MCOLN2: variants seen among roughly 807,000 people sequenced by gnomAD.
MCOLN2 encodes mucolipin TRP cation channel 2.
MCOLN2 carries 57 observed loss-of-function variants against 67.5 expected under a neutral mutation model. That is an observed-to-expected ratio of 0.84 (90% CI 0.68 to 1.05). The LOEUF is 1.05. Ranked by LOEUF, MCOLN2 falls within the 50% of genes least tolerant of loss-of-function variation. MCOLN2 has a pLI of 0.00. For synonymous variants in MCOLN2, 246 were observed against 233.3 expected (o/e 1.05, Z -0.50); for missense variants, 620 against 678.8 (o/e 0.91, Z 0.96).
chr1:84,996,960 G>A lies in MCOLN2; in HGVS notation c.-88C>T. The A allele has an allele frequency of 1.6e-6, 2 of 1,235,072 alleles. No individual in the cohort carries two copies. The highest frequency in any genetic ancestry group is 2.4e-6 in the Non-Finnish European group (2 of 846,678). 76.5% of individuals were successfully genotyped at this position (1,235,072 alleles called of 1,614,324 possible). On this transcript the variant is annotated 5_prime_UTR_variant, in exon 1 of 14. Coordinates refer to ENST00000370608, the MANE Select transcript of MCOLN2 (RefSeq NM_153259.4). ...CGACTCATTTCGCCCTCGCCGTAAC[G>A]CGTCCGCCGAAGTTGGAGCCCTGCA...
intron 7 of MCOLN2, among the ~76,000 whole-genome samples, chr1:84,941,926 T>C (rs1530103): frequency 0.076 from 11,541 of 152,130 alleles, 644 homozygotes; most frequent in Non-Finnish European, 0.11. Context: ...CTAACCTTAG[T>C]TTCTCTCAGA....
At chr1:84,994,992 T>C (rs1460605879) in intron 1 of MCOLN2, among the ~76,000 whole-genome samples, 1 of 152,090 alleles carries the variant, frequency 6.6e-6, no homozygotes, top group Non-Finnish European at 1.5e-5. Context: ...TTCAATATTG[T>C]GGTGTCTCAG....
chr1:84,965,446 C>T (rs1649327191), intron 2 of MCOLN2, 103 bp downstream of exon 2: 1 of 1,277,190 alleles, frequency 7.8e-7, no homozygotes, highest in Non-Finnish European at 1.1e-6. Flanking sequence ...GTTTTATGAA[C>T]TTGAGTGTGG....
At chr1:84,949,420 C>T (rs1333519666) in intron 6 of MCOLN2, among the ~76,000 whole-genome samples, 9 of 152,306 alleles carry the variant, frequency 5.9e-5, no homozygotes, top group Admixed American at 5.2e-4. Flanking sequence ...AGACAGATCA[C>T]GAGGTCAGGA....
intron 7 of MCOLN2, among the ~76,000 whole-genome samples, chr1:84,946,024 C>T (rs891557172): frequency 1.3e-5 from 2 of 152,180 alleles, no homozygotes; most frequent in African/African-American, 4.8e-5. Flanking sequence ...GCTGGGATTA[C>T]AGGTGTGAGC....
In MCOLN2 at chr1:84,931,468, A is replaced by C. The variant is rs776572937; in HGVS notation, c.1436T>G (p.Val479Gly). 6.2e-7 allele frequency: 1 copy of C among 1,613,772 alleles called. No individual in the cohort carries two copies. The highest frequency in any genetic ancestry group is 2.2e-5 in the East Asian group (1 of 44,874). The change falls in exon 12 of 14, where the codon GTG becomes GGG. Residue 479 changes from valine (V) to glycine (G), a missense_variant. Transcript: ENST00000370608. Reference sequence around the variant, plus strand: ...TAAATACAGACGACTGAACAGCCACACCAAGATGCTCTTCTGCTGGATTTG... The same window carrying C: ...TAAATACAGACGACTGAACAGCCACCCCAAGATGCTCTTCTGCTGGATTTG... ...FAQIQQKSIL[V>G]WLFSRLYLYS...
At chr1:84,959,466 A>G (rs1275549183) in intron 2 of MCOLN2, among the ~76,000 whole-genome samples, 1 of 152,182 alleles carries the variant, frequency 6.6e-6, no homozygotes, top group Non-Finnish European at 1.5e-5. Context: ...TTGGAACCCA[A>G]TAAATGGAGG....
intron 7 of MCOLN2, among the ~76,000 whole-genome samples, chr1:84,945,408 T>C (rs1648040114): frequency 6.6e-6 from 1 of 152,188 alleles, no homozygotes; most frequent in Non-Finnish European, 1.5e-5. Context: ...TGGGGAATAG[T>C]AACCACTTTT....
At chr1:84,993,425 G>A (rs1045228351) in intron 1 of MCOLN2, among the ~76,000 whole-genome samples, 1 of 152,164 alleles carries the variant, frequency 6.6e-6, no homozygotes, top group Non-Finnish European at 1.5e-5. Flanking sequence ...AGTCATCCAT[G>A]AGGGATAAAA....
chr1:84,984,465 G>A (rs1650406129), intron 1 of MCOLN2, among the ~76,000 whole-genome samples: 1 of 152,064 alleles, frequency 6.6e-6, no homozygotes, highest in Non-Finnish European at 1.5e-5. Context: ...CATAACTTTG[G>A]GAACTCCTTC....
At chr1:84,983,795 G>A (rs375397583) in intron 1 of MCOLN2, among the ~76,000 whole-genome samples, 39 of 150,586 alleles carry the variant, frequency 2.6e-4, no homozygotes, top group African/African-American at 9.3e-4. Context: ...TCCTGCCTCA[G>A]CCTCCCGAGT....
intron 11 of MCOLN2, among the ~76,000 whole-genome samples, chr1:84,934,812 T>G (rs1232345487): frequency 6.6e-6 from 1 of 152,198 alleles, no homozygotes; most frequent in Non-Finnish European, 1.5e-5. Flanking sequence ...AAGGGCACTG[T>G]GCCAAAGTCC....
At chr1:84,945,990 C>A (rs1458818827) in intron 7 of MCOLN2, among the ~76,000 whole-genome samples, 1 of 152,120 alleles carries the variant, frequency 6.6e-6, no homozygotes, top group Admixed American at 6.6e-5. Context: ...ATCAAGTGAT[C>A]CACCCGCGTA....
chr1:84,987,432 G>A (rs1314322890), intron 1 of MCOLN2, among the ~76,000 whole-genome samples: 7 of 91,870 alleles, frequency 7.6e-5, no homozygotes, highest in South Asian at 3.1e-4. Context: ...ACCTATATAC[G>A]TATATAGATA....
At chr1:84,990,327 A>T (rs1162662578) in intron 1 of MCOLN2, among the ~76,000 whole-genome samples, 5 of 129,804 alleles carry the variant, frequency 3.9e-5, no homozygotes, top group South Asian at 2.5e-4. Flanking sequence ...AAAAAAAAAA[A>T]TACCTAATGC....
chr1:84,976,549 C>T (rs528707759), intron 1 of MCOLN2, among the ~76,000 whole-genome samples: 13 of 152,186 alleles, frequency 8.5e-5, no homozygotes, highest in Admixed American at 2.0e-4. Flanking sequence ...GGGTGGATCA[C>T]GATGTCAGGA....
At chr1:84,947,387 C>G (rs928851637) in intron 6 of MCOLN2, among the ~76,000 whole-genome samples, 1 of 152,042 alleles carries the variant, frequency 6.6e-6, no homozygotes, top group African/African-American at 2.4e-5. Context: ...AAGAAGTACA[C>G]TGGAGAGCAC....
At chr1:84,930,510 C>T (rs955334406) in intron 12 of MCOLN2, among the ~76,000 whole-genome samples, 26 of 152,188 alleles carry the variant, frequency 1.7e-4, no homozygotes, top group Admixed American at 3.3e-4. Flanking sequence ...GCCCCCACCA[C>T]GCAGAGACAT....
intron 1 of MCOLN2, among the ~76,000 whole-genome samples, chr1:84,994,736 G>A (rs1408633578): frequency 6.6e-6 from 1 of 152,164 alleles, no homozygotes; most frequent in African/African-American, 2.4e-5. Flanking sequence ...ACAGCAATAA[G>A]GCTGTTTTGC....
Sources: gnomAD v4.1 joint callset for allele counts (sites outside exome capture counted in the v4.1 genomes callset) on GRCh38, gnomAD v4.1.1 for gene constraint, MANE v1.5 for transcripts, NCBI Gene and HGNC (gene_info 2026-07-23, HGNC 2026-07-21) for gene names.